SPARCL1: variants seen among roughly 807,000 people sequenced by gnomAD.
The protein encoded by SPARCL1 is SPARC like 1, also known as SPARC-like protein 1.
A neutral mutation model predicts 67.1 loss-of-function variants in SPARCL1; 52 were observed. That is an observed-to-expected ratio of 0.78 (90% CI 0.62 to 0.98). The LOEUF (loss-of-function observed/expected upper bound fraction) is 0.98, where lower values mean the gene tolerates loss of function less well. SPARCL1 is among the 50% of genes least tolerant of loss of function. SPARCL1 has a pLI of 0.00. For missense variants in SPARCL1, 717 were observed against 782.4 expected (o/e 0.92, Z 1.00); for synonymous variants, 226 against 267.8 (o/e 0.84, Z 1.52).
intron 1 of SPARCL1, among the ~76,000 whole-genome samples, chr4:87,505,301 A>C (rs752488120): frequency 1.3e-5 from 2 of 152,130 alleles, no homozygotes; most frequent in Non-Finnish European, 2.9e-5. Flanking sequence ...CCACTAAAAT[A>C]TATTCCATGA....
At chr4:87,496,678 A>G (rs1172656219) in intron 2 of SPARCL1, among the ~76,000 whole-genome samples, 1 of 152,228 alleles carries the variant, frequency 6.6e-6, no homozygotes, top group South Asian at 2.1e-4. Flanking sequence ...CACTGTGTCA[A>G]TAATATAAAC....
chr4:87,475,628 T>C (rs73839658), intron 10 of SPARCL1, among the ~76,000 whole-genome samples: 2,150 of 152,264 alleles, frequency 0.014, 53 homozygotes, highest in African/African-American at 0.049. Context: ...CCAACAAATA[T>C]ATATAAAGTT....
intron 10 of SPARCL1, among the ~76,000 whole-genome samples, chr4:87,476,934 T>A (rs374630494): frequency 6.6e-6 from 1 of 152,262 alleles, no homozygotes; most frequent in Non-Finnish European, 1.5e-5. Context: ...TTTCTTTAGC[T>A]ACATTCCAAA....
At chr4:87,508,736 A>G (rs1001847012) in intron 1 of SPARCL1, among the ~76,000 whole-genome samples, 1 of 151,692 alleles carries the variant, frequency 6.6e-6, no homozygotes, top group Non-Finnish European at 1.5e-5. Flanking sequence ...ATAACATTAT[A>G]AAAAGGTCTA....
chr4:87,503,591 T>G (rs578177438), intron 1 of SPARCL1, among the ~76,000 whole-genome samples: 2 of 152,220 alleles, frequency 1.3e-5, no homozygotes, highest in Admixed American at 6.5e-5. Flanking sequence ...CCTCTGTCAT[T>G]ATCATCATCA....
At chr4:87,520,064 A>G (rs1338033426) in intron 1 of SPARCL1, among the ~76,000 whole-genome samples, 1 of 151,956 alleles carries the variant, frequency 6.6e-6, no homozygotes, top group African/African-American at 2.4e-5. Context: ...ACATGGTGAA[A>G]CCTCATCTCT....
intron 1 of SPARCL1, among the ~76,000 whole-genome samples, chr4:87,508,170 G>C (rs1047262175): frequency 1.3e-5 from 2 of 152,082 alleles, no homozygotes; most frequent in African/African-American, 4.8e-5. Context: ...CAAAGGCTGA[G>C]TGGGGAAACC....
intron 7 of SPARCL1, among the ~76,000 whole-genome samples, chr4:87,483,919 T>G (rs1448589292): frequency 3.3e-5 from 5 of 152,336 alleles, no homozygotes; most frequent in African/African-American, 1.2e-4. Context: ...CTTCACCCAC[T>G]TTTTGATGGG....
rs1578089587 is a variant in SPARCL1, at chr4:87,473,866, A to AT, written c.1967-64dup. 8.9e-6 allele frequency: 10 copies of AT among 1,129,276 alleles called. No homozygotes were observed. The East Asian group carries it at 2.4e-4, about 27-fold the overall frequency. The allele number at this position is 1,129,276 out of a possible 1,614,324, so 70.0% of individuals were successfully genotyped here. On this transcript the variant is annotated intron_variant, in intron 10 of 10. Coordinates refer to ENST00000282470, the MANE Select transcript of SPARCL1 (RefSeq NM_004684.6). ...AGTAGCCAGAGTAGTAGCACAAACA[A>AT]TATTAGAGTTGGGGGATTAGAGAAA... is the stretch of plus-strand genomic sequence containing the variant.
intron 1 of SPARCL1, among the ~76,000 whole-genome samples, chr4:87,511,949 C>T (rs1725376245): frequency 1.4e-5 from 2 of 146,744 alleles, no homozygotes; most frequent in African/African-American, 2.6e-5. Context: ...CCTTTCCTTT[C>T]CTTTCCTCTT....
intron 7 of SPARCL1, among the ~76,000 whole-genome samples, chr4:87,488,207 G>C (rs990338187): frequency 6.6e-6 from 1 of 152,190 alleles, no homozygotes; most frequent in African/African-American, 2.4e-5. Flanking sequence ...GGCTTTTTGT[G>C]TTGGTTTTTC....
chr4:87,486,810 T>A (rs775452224), intron 7 of SPARCL1, among the ~76,000 whole-genome samples: 1 of 151,738 alleles, frequency 6.6e-6, no homozygotes, highest in African/African-American at 2.4e-5. Flanking sequence ...TTTACCATTA[T>A]GTGATGCCCT....
chr4:87,494,042 A>T lies in SPARCL1; in HGVS notation c.758T>A (p.Val253Glu), dbSNP rs61731012. The T allele has an allele frequency of 6.6e-3, 10,611 of 1,613,946 alleles. 583 individuals carry two copies. In the African/African-American group the frequency reaches 0.13, roughly 19 times the overall value. ...AAATTCATCCTCCTGCATCTTGCTT[A>T]CTTGAGTTGGTTGATCAGACTCTTC... is the stretch of plus-strand genomic sequence containing the variant. Reference protein sequence around the residue: ...ILEESDQPTQVSKMQEDEFDQ... With the variant: ...ILEESDQPTQESKMQEDEFDQ... Residue 253 changes from valine to glutamate, a missense_variant, in exon 4 of 11, where the codon GTA (valine) becomes GAA (glutamate). Val to Glu is a moderately radical substitution (Grantham distance 121). Transcript: ENST00000282470.
chr4:87,490,897 C>A lies in SPARCL1; in HGVS notation c.1292-19G>T. ...CAAGAATCTAACAGAAAAGATTGGG[C>A]AGGAAGCATGGACAAAGTTAAATTG... On this transcript the variant is annotated intron_variant, in intron 5 of 10. Transcript: ENST00000282470. 1 of 1,408,128 alleles carries A rather than the reference C, an allele frequency of 7.1e-7. No individual in the cohort carries two copies. Among genetic ancestry groups the A allele is most frequent in the South Asian group, 1.3e-5 (1 of 78,190 alleles). 87.2% of individuals were successfully genotyped at this position (1,408,128 alleles called of 1,614,324 possible).
chr4:87,516,080 TCTC>T (rs1433905593), intron 1 of SPARCL1, among the ~76,000 whole-genome samples: 2 of 152,222 alleles, frequency 1.3e-5, no homozygotes, highest in South Asian at 2.1e-4. Flanking sequence ...TTTTACCTAA[TCTC>T]CTGGAAAACT....
intron 1 of SPARCL1, among the ~76,000 whole-genome samples, chr4:87,513,700 A>G (rs1465700049): frequency 6.6e-6 from 1 of 152,182 alleles, no homozygotes; most frequent in Non-Finnish European, 1.5e-5. Flanking sequence ...AGTGTGATAT[A>G]AGGGAAAAGA....
intron 2 of SPARCL1, among the ~76,000 whole-genome samples, chr4:87,496,209 TTAA>T (rs1163516192): frequency 2.0e-5 from 3 of 152,024 alleles, no homozygotes; most frequent in Non-Finnish European, 4.4e-5. Context: ...TTAAAAAACA[TTAA>T]TAAAATTAAT....
At chr4:87,511,965 C>CTT (rs1560827173) in intron 1 of SPARCL1, among the ~76,000 whole-genome samples, 1 of 82,030 alleles carries the variant, frequency 1.2e-5, no homozygotes, top group Non-Finnish European at 2.3e-5. Context: ...CTCTTTCTTT[C>CTT]TCTTTTTTTT....
chr4:87,494,843 G>A, intron 3 of SPARCL1, 138 bp downstream of exon 3: 1 of 796,968 alleles, frequency 1.3e-6, no homozygotes, highest in South Asian at 1.9e-5. Flanking sequence ...TCTAGTGATT[G>A]GAGGCAGTTG....
Sources: gnomAD v4.1 joint callset for allele counts (sites outside exome capture counted in the v4.1 genomes callset) on GRCh38, gnomAD v4.1.1 for gene constraint, MANE v1.5 for transcripts, NCBI Gene and HGNC (gene_info 2026-07-23, HGNC 2026-07-21) for gene names.